SIK2: variants seen among roughly 807,000 people sequenced by gnomAD.
SIK2 encodes the protein salt inducible kinase 2.
SIK2 carries 29 observed loss-of-function variants against 103.2 expected under a neutral mutation model. The observed-to-expected ratio is 0.28, with a 90% CI of 0.21 to 0.38. SIK2 has a LOEUF of 0.38. Ranked by LOEUF, SIK2 falls within the 10% of genes least tolerant of loss-of-function variation. SIK2 has a pLI of 1.00. For synonymous variants in SIK2, 412 were observed against 446.1 expected (o/e 0.92, Z 0.96); for missense variants, 879 against 1,171.0 (o/e 0.75, Z 3.64).
intron 3 of SIK2, among the ~76,000 whole-genome samples, chr11:111,644,250 C>T (rs543828304): frequency 6.9e-6 from 1 of 144,594 alleles, no homozygotes; most frequent in African/African-American, 2.6e-5. Context: ...GATCACGCCA[C>T]TGCACTCCAG....
chr11:111,703,279 T>C lies in SIK2; in HGVS notation c.804T>C (p.His268=). 1 of 1,614,186 alleles carries C rather than the reference T, an allele frequency of 6.2e-7. No individual in the cohort carries two copies. The highest frequency in any genetic ancestry group is 8.5e-7 in the Non-Finnish European group (1 of 1,180,022). ...TAACCATAGCCCAAATCAAGGAGCA[T>C]AAATGGATGCTCATAGAAGTTCCTG... ...KRLTIAQIKE[H]KWMLIEVPVQ... Residue 268 remains histidine (H), a synonymous_variant, in exon 7 of 15, where the codon CAT becomes CAC. Transcript: ENST00000304987.
intron 3 of SIK2, among the ~76,000 whole-genome samples, chr11:111,665,559 C>T (rs1942528054): frequency 6.6e-6 from 1 of 151,892 alleles, no homozygotes; most frequent in Admixed American, 6.5e-5. Context: ...CGTGGTGGCT[C>T]ACGCCTGTAA....
At position 111,617,407 on chromosome 11, in the gene SIK2, T is replaced by C. The variant is rs117030320; in HGVS notation, c.252+1048T>C. 6.6e-3 allele frequency among the ~76,000 whole-genome samples: 1,000 copies of C among 152,382 alleles called. 8 individuals carry two copies. The highest frequency in any genetic ancestry group is 0.054 in the Middle Eastern group (16 of 294). On this transcript the variant is annotated intron_variant, in intron 2 of 14. Transcript: ENST00000304987. Reference sequence around the variant, plus strand: ...CTTTTTAAACTGAAATGTTCCATTATCCTGGCCCATGACTTTGATCTCCAG... The same window carrying C: ...CTTTTTAAACTGAAATGTTCCATTACCCTGGCCCATGACTTTGATCTCCAG...
At chr11:111,675,339 G>T (rs542413659) in intron 3 of SIK2, among the ~76,000 whole-genome samples, 1 of 152,246 alleles carries the variant, frequency 6.6e-6, no homozygotes, top group East Asian at 1.9e-4. Flanking sequence ...CGTGACAAAG[G>T]GTATGGATAA....
intron 3 of SIK2, among the ~76,000 whole-genome samples, chr11:111,648,627 A>C (rs1489684101): frequency 2.0e-5 from 3 of 151,898 alleles, no homozygotes; most frequent in Non-Finnish European, 4.4e-5. Flanking sequence ...ATATTTATAC[A>C]TGAAATATAT....
chr11:111,614,570 G>A (rs555998090), intron 1 of SIK2, among the ~76,000 whole-genome samples: 2 of 152,324 alleles, frequency 1.3e-5, no homozygotes, highest in Admixed American at 1.3e-4. Flanking sequence ...CTCATTAAGT[G>A]AAGTGGATCA....
At chr11:111,720,125 G>T in intron 10 of SIK2, 122 bp downstream of exon 10, 1 of 974,028 alleles carries the variant, frequency 1.0e-6, no homozygotes, top group Non-Finnish European at 1.5e-6. Context: ...TTCCTTTATG[G>T]ATTAGATTCA....
At chr11:111,628,416 A>ATCTATCTTTCTTTCTTTCTTTCTTTCTT (rs1941989555) in intron 3 of SIK2, among the ~76,000 whole-genome samples, 10 of 125,678 alleles carry the variant, frequency 8.0e-5, no homozygotes, top group Non-Finnish European at 1.7e-4. Context: ...CCGCTTTCAT[A>ATCTATCTTTCTTTCTTTCTTTCTTTCTT]TCTTTCTTTC....
At position 111,609,090 on chromosome 11, in the gene SIK2, TATG is replaced by T. The variant is rs767523323; in HGVS notation, c.135+6401_135+6403del. Among the ~76,000 whole-genome samples, 45 of 148,754 alleles carry T rather than the reference TATG, an allele frequency of 3.0e-4. No individual in the cohort carries two copies. The East Asian group carries it at 5.2e-3, about 17-fold the overall frequency. ...TCTTTAATTACTTTGTACAGTTTTA[TATG>T]ATGATGATTTGCATTCCTTTTATAA... is the stretch of plus-strand genomic sequence containing the variant. On this transcript the variant is annotated intron_variant, in intron 1 of 14. Coordinates refer to ENST00000304987, the MANE Select transcript of SIK2 (RefSeq NM_015191.3).
At chr11:111,638,535 C>T (rs760428401) in intron 3 of SIK2, among the ~76,000 whole-genome samples, 6 of 152,150 alleles carry the variant, frequency 3.9e-5, no homozygotes, top group African/African-American at 7.2e-5. Context: ...GCTGAGGCTT[C>T]AAGTTTCTCA....
At position 111,727,396 on chromosome 11, in the gene SIK2, C is replaced by A. The variant is rs1395321938; in HGVS notation, c.*3267C>A. Reference sequence around the variant, plus strand: ...TATCAAGAACTCCCAAGTGTTTAAACCGTATGCTGGAGTCAGTGGTTGGGA... The same window carrying A: ...TATCAAGAACTCCCAAGTGTTTAAAACGTATGCTGGAGTCAGTGGTTGGGA... On this transcript the variant is annotated 3_prime_UTR_variant, in exon 15 of 15. Coordinates refer to ENST00000304987, the MANE Select transcript of SIK2 (RefSeq NM_015191.3). 2.7e-5 allele frequency: 9 copies of A among 329,136 alleles called. No individual in the cohort carries two copies. In the East Asian group the frequency reaches 4.4e-4, roughly 16 times the overall value. 20.4% of individuals were successfully genotyped at this position (329,136 alleles called of 1,614,324 possible). A position where few individuals can be genotyped will look rare whatever the true frequency, so the allele number is the denominator to read the frequency against.
intron 1 of SIK2, among the ~76,000 whole-genome samples, chr11:111,612,196 C>A (rs1022791958): frequency 1.3e-5 from 2 of 152,116 alleles, no homozygotes; most frequent in Non-Finnish European, 2.9e-5. Context: ...TTCATTAGAG[C>A]TTTAAGACCT....
intron 3 of SIK2, among the ~76,000 whole-genome samples, chr11:111,642,776 A>G (rs909658458): frequency 3.3e-5 from 5 of 150,360 alleles, no homozygotes; most frequent in Non-Finnish European, 7.5e-5. Flanking sequence ...GTGTCTGGGG[A>G]CTCACCACTA....
In SIK2 at chr11:111,657,739, G is replaced by C. The variant is rs543405008; in HGVS notation, c.317-30262G>C. On this transcript the variant is annotated intron_variant, in intron 3 of 14. Coordinates refer to ENST00000304987, the MANE Select transcript of SIK2 (RefSeq NM_015191.3). ...TCTACAAGGATGGAAGAGAATTGGT[G>C]GGGGGAGGTGGGGAGTAAGTGTCAG... Among the ~76,000 whole-genome samples the C allele has an allele frequency of 1.5e-3, 224 of 152,274 alleles. 2 individuals carry two copies. Among genetic ancestry groups the C allele is most frequent in the African/African-American group, 5.2e-3 (218 of 41,568 alleles).
intron 12 of SIK2, 72 bp downstream of exon 12, chr11:111,721,134 T>C: frequency 6.7e-7 from 1 of 1,501,854 alleles, no homozygotes; most frequent in Non-Finnish European, 8.9e-7. Context: ...AGATGGTCAT[T>C]TTCACTTAGA....
intron 4 of SIK2, among the ~76,000 whole-genome samples, chr11:111,692,479 G>A (rs1051878978): frequency 2.0e-5 from 3 of 151,364 alleles, no homozygotes; most frequent in Admixed American, 2.0e-4. Context: ...AAGGCTGAGA[G>A]GCCAGAGCGA....
intron 2 of SIK2, 130 bp downstream of exon 2, chr11:111,616,489 G>A: frequency 3.2e-6 from 2 of 620,814 alleles, no homozygotes; most frequent in South Asian, 2.2e-5. Flanking sequence ...TTGTTACTAA[G>A]TACACCATTT....
Position 111,722,745 on chromosome 11 carries a change from G to C in SIK2, c.2136G>C (p.Leu712=). Residue 712 remains leucine (L), a synonymous_variant, in exon 14 of 15, where the codon CTG becomes CTC. Coordinates refer to ENST00000304987, the MANE Select transcript of SIK2 (RefSeq NM_015191.3). The surrounding 1 kb of genome is among the most constrained non-coding windows in gnomAD (Gnocchi z 4.4). ...CACCGCGGAGCCTTGAGCAGCAGCT[G>C]CAGGAACATAGGTGAGAAGGGGACT... ...KEPPRSLEQQ[L]QEHRLQQKRL... The C allele has an allele frequency of 6.2e-7, 1 of 1,614,064 alleles. No individual in the cohort carries two copies. The highest frequency in any genetic ancestry group is 8.5e-7 in the Non-Finnish European group (1 of 1,179,944).
Position 111,715,195 on chromosome 11 carries a change from T to C in SIK2, c.1266+2820T>C, listed in dbSNP as rs117595839. Reference sequence around the variant, plus strand: ...CTGGCAATGCCATGCTGGCACTCAGTCAGGCCATAGACATCCTCCGGGCTT... The same window carrying C: ...CTGGCAATGCCATGCTGGCACTCAGCCAGGCCATAGACATCCTCCGGGCTT... On this transcript the variant is annotated intron_variant, in intron 9 of 14. Coordinates refer to ENST00000304987, the MANE Select transcript of SIK2 (RefSeq NM_015191.3). Among the ~76,000 whole-genome samples the C allele has an allele frequency of 7.5e-3, 1,135 of 152,230 alleles. 8 individuals are homozygous for C. Among genetic ancestry groups the C allele is most frequent in the Middle Eastern group, 0.061 (18 of 294 alleles).
Sources: gnomAD v4.1 joint callset for allele counts (sites outside exome capture counted in the v4.1 genomes callset) on GRCh38, gnomAD v4.1.1 for gene constraint, Gnocchi (gnomAD v3.1) non-coding constraint, MANE v1.5 for transcripts, NCBI Gene and HGNC (gene_info 2026-07-23, HGNC 2026-07-21) for gene names.